Variants in PCDH9 observed in about 807,000 individuals in gnomAD.
The protein encoded by PCDH9 is protocadherin 9.
Under a neutral mutation model 70.6 loss-of-function variants are expected in PCDH9, and 24 were observed. That is an observed-to-expected ratio of 0.34 (90% CI 0.25 to 0.48). The LOEUF (loss-of-function observed/expected upper bound fraction) is 0.48, where lower values mean the gene tolerates loss of function less well. PCDH9 is among the 20% of genes least tolerant of loss of function. PCDH9 has a pLI of 0.99. For missense variants in PCDH9, 1,281 were observed against 1,503.6 expected, an observed-to-expected ratio of 0.85 and a Z score of 2.45; for synonymous variants, 562 against 558.5, an observed-to-expected ratio of 1.01 and a Z score of -0.09.
chr13:66,547,892 C>T (rs193273264), intron 4 of PCDH9, among the ~76,000 whole-genome samples: 16 of 132,830 alleles, frequency 1.2e-4, no homozygotes, highest in African/African-American at 2.9e-4. Flanking sequence ...GATATTTAAT[C>T]ATATTATTAT....
chr13:66,639,994 G>GA (rs1842197963), intron 3 of PCDH9, among the ~76,000 whole-genome samples: 1 of 151,842 alleles, frequency 6.6e-6, no homozygotes, highest in Non-Finnish European at 1.5e-5. Context: ...AAATATGGAG[G>GA]AAAAAACCCA....
At chr13:66,597,560 A>G (rs911307590) in intron 4 of PCDH9, among the ~76,000 whole-genome samples, 7 of 151,814 alleles carry the variant, frequency 4.6e-5, no homozygotes, top group Non-Finnish European at 1.0e-4. Context: ...CCTATCCCAC[A>G]TCATACACAA....
At chr13:67,103,618 AT>A (rs2086476949) in intron 2 of PCDH9, among the ~76,000 whole-genome samples, 1 of 151,816 alleles carries the variant, frequency 6.6e-6, no homozygotes, top group African/African-American at 2.4e-5. Context: ...TCTTTTCCAT[AT>A]TTTACTAATC....
At chr13:66,857,031 C>T (rs1410365824) in intron 3 of PCDH9, among the ~76,000 whole-genome samples, 1 of 152,042 alleles carries the variant, frequency 6.6e-6, no homozygotes, top group African/African-American at 2.4e-5. Flanking sequence ...AACATCTTAA[C>T]CCATCAACCT....
chr13:67,200,198 G>A (rs1338779981), intron 2 of PCDH9, among the ~76,000 whole-genome samples: 2 of 151,904 alleles, frequency 1.3e-5, no homozygotes, highest in African/African-American at 4.8e-5. Context: ...TTTTTAATTA[G>A]TATCTAAATA....
In PCDH9 at chr13:66,767,115, C is replaced by T. The variant is rs181802446; in HGVS notation, c.3139-135704G>A. Among the ~76,000 whole-genome samples the T allele has an allele frequency of 5.7e-4, 87 of 151,940 alleles. 1 individual carries two copies. Among genetic ancestry groups the T allele is most frequent in the African/African-American group, 2.0e-3 (81 of 41,378 alleles). ...AAAATATATTCGCAGTAGAAATCTA[C>T]GTGAAGAAAGTTTGCGTCAATCTGA... On this transcript the variant is annotated intron_variant, in intron 3 of 4. Coordinates refer to ENST00000377865, the MANE Select transcript of PCDH9 (RefSeq NM_203487.3).
At chr13:66,848,468 C>G (rs1273017398) in intron 3 of PCDH9, among the ~76,000 whole-genome samples, 1 of 152,060 alleles carries the variant, frequency 6.6e-6, no homozygotes, top group Non-Finnish European at 1.5e-5. Flanking sequence ...ACAGCAGATC[C>G]TGAGTAGTAT....
intron 3 of PCDH9, among the ~76,000 whole-genome samples, chr13:66,770,734 T>G (rs924327205): frequency 6.6e-6 from 1 of 152,228 alleles, no homozygotes; most frequent in Non-Finnish European, 1.5e-5. Context: ...TCTACTCATA[T>G]AGCAATAGCT....
At chr13:66,464,407 A>G (rs751440983) in intron 4 of PCDH9, among the ~76,000 whole-genome samples, 2 of 151,904 alleles carry the variant, frequency 1.3e-5, no homozygotes, top group African/African-American at 4.8e-5. Flanking sequence ...GCTGAGCAGA[A>G]CACAGCTATA....
chr13:66,438,233 C>CA (rs573919913), intron 4 of PCDH9, among the ~76,000 whole-genome samples: 1,103 of 96,414 alleles, frequency 0.011, 22 homozygotes, highest in East Asian at 0.11. Context: ...GACTCCGGCT[C>CA]AAAAAAAAAA....
At chr13:67,224,848 T>C in intron 2 of PCDH9, 2 of 951,592 alleles carry the variant, frequency 2.1e-6, no homozygotes, top group Non-Finnish European at 2.5e-6. Context: ...GAAGACTTCC[T>C]ATATGGCTTA....
At position 66,671,883 on chromosome 13, in the gene PCDH9, A is replaced by C. The variant is rs1045084674; in HGVS notation, c.3139-40472T>G. The stretch of plus-strand genomic sequence containing the variant: ...TGACACTGCAATAGAAAATAAAAAA[A>C]CATTTTCTGAGCAGAAATTCAAGCT... On this transcript the variant is annotated intron_variant, in intron 3 of 4. Transcript: ENST00000377865. Among the ~76,000 whole-genome samples, 6 of 152,352 alleles carry C rather than the reference A, an allele frequency of 3.9e-5. No homozygotes were observed. The South Asian group carries it at 1.0e-3, about 26-fold the overall frequency.
chr13:66,335,441 G>A (rs1027709916), intron 4 of PCDH9, among the ~76,000 whole-genome samples: 6 of 151,950 alleles, frequency 3.9e-5, no homozygotes, highest in East Asian at 1.9e-4. Flanking sequence ...AACATAAAAC[G>A]AATTAAATGA....
intron 2 of PCDH9, among the ~76,000 whole-genome samples, chr13:67,130,034 T>G (rs2087073946): frequency 6.6e-6 from 1 of 152,150 alleles, no homozygotes; most frequent in Non-Finnish European, 1.5e-5. Flanking sequence ...GAATAATGGT[T>G]TAATGTTTAA....
chr13:66,354,415 T>C (rs1375975405), intron 4 of PCDH9, among the ~76,000 whole-genome samples: 2 of 152,120 alleles, frequency 1.3e-5, no homozygotes, highest in African/African-American at 2.4e-5. Flanking sequence ...TTTTCCTGTG[T>C]GTATTCTTAA....
rs913620008 is a variant in PCDH9, at chr13:66,602,208, A to G, written c.3340+29002T>C. 1.4e-5 allele frequency among the ~76,000 whole-genome samples: 2 copies of G among 146,202 alleles called. 1 individual carries two copies. The highest frequency in any genetic ancestry group is 3.1e-5 in the Non-Finnish European group (2 of 65,004). ...GATAGCTGATAAACTAAAATAAATC[A>G]CACACACAAAAAAAATCTCATCATG... is the stretch of plus-strand genomic sequence containing the variant. On this transcript the variant is annotated intron_variant, in intron 4 of 4. Transcript: ENST00000377865.
intron 2 of PCDH9, among the ~76,000 whole-genome samples, chr13:66,925,049 A>G (rs189182729): frequency 6.6e-6 from 1 of 152,000 alleles, no homozygotes; most frequent in East Asian, 1.9e-4. Flanking sequence ...TGGAAATAGA[A>G]AGAATATAAA....
At chr13:66,578,478 T>C (rs1201978192) in intron 4 of PCDH9, among the ~76,000 whole-genome samples, 2 of 152,076 alleles carry the variant, frequency 1.3e-5, no homozygotes, top group Non-Finnish European at 1.5e-5. Flanking sequence ...AGGTCCTGGA[T>C]GATCATTCTA....
rs1194689651 is a variant in PCDH9 at position 66,678,363 on chromosome 13, T to C, written c.3139-46952A>G. Among the ~76,000 whole-genome samples, 5 of 152,098 alleles carry C rather than the reference T, an allele frequency of 3.3e-5. No homozygotes were observed. The South Asian group carries it at 1.0e-3, about 31-fold the overall frequency. Reference sequence around the variant, plus strand: ...ATTAATGAAATGAGTTTCAGAAACATATAGAAGTATAGATGTTAGATCTTA... The same window carrying C: ...ATTAATGAAATGAGTTTCAGAAACACATAGAAGTATAGATGTTAGATCTTA... On this transcript the variant is annotated intron_variant, in intron 3 of 4. Transcript: ENST00000377865.
Sources: allele counts gnomAD v4.1 joint callset (sites outside exome capture counted in the v4.1 genomes callset), GRCh38; gene constraint gnomAD v4.1.1; transcripts MANE v1.5; gene names NCBI Gene and HGNC (gene_info 2026-07-23, HGNC 2026-07-21).